The following CCR5AS variants were observed in gnomAD, a reference collection of about 807,000 sequenced individuals.
CCR5AS encodes CCR5 antisense RNA.
chr3:46,376,634 C>T lies in CCR5AS; in HGVS notation n.392-5217G>A, dbSNP rs41382446. On this transcript the variant is annotated intron_variant and non_coding_transcript_variant, in intron 2 of 3. Transcript: ENST00000451485. ...TACCCGCAGCCCTGAGTTGTAGGCA[C>T]ATCATATGTGAGAATGAGGATGCTT... Among the ~76,000 whole-genome samples the T allele has an allele frequency of 3.7e-3, 568 of 152,304 alleles. 4 individuals carry two copies. The highest frequency in any genetic ancestry group is 0.013 in the African/African-American group (537 of 41,576).
intron 1 of CCR5AS, among the ~76,000 whole-genome samples, chr3:46,406,025 G>A (rs558645702): frequency 9.2e-5 from 14 of 152,082 alleles, no homozygotes; most frequent in Non-Finnish European, 2.1e-4. Context: ...ACAGGCACTT[G>A]CCACTGCATC....
intron 1 of CCR5AS, among the ~76,000 whole-genome samples, chr3:46,402,017 T>C (rs1702009620): frequency 6.6e-6 from 1 of 152,182 alleles, no homozygotes; most frequent in African/African-American, 2.4e-5. Flanking sequence ...TGAGAAGTCC[T>C]GTAGTAAAGA....
intron 2 of CCR5AS, among the ~76,000 whole-genome samples, chr3:46,378,421 T>C (rs986149837): frequency 2.0e-5 from 3 of 152,224 alleles, no homozygotes; most frequent in Non-Finnish European, 2.9e-5. Context: ...GTCATTGTGA[T>C]TCTGTCATGT....
chr3:46,387,361 G>A (rs1474991048), intron 2 of CCR5AS, among the ~76,000 whole-genome samples: 2 of 152,176 alleles, frequency 1.3e-5, no homozygotes, highest in Middle Eastern at 3.2e-3. Flanking sequence ...TATGACCAAT[G>A]CCACCAGTCT....
At chr3:46,396,321 G>T (rs1701961539) in intron 1 of CCR5AS, among the ~76,000 whole-genome samples, 1 of 151,950 alleles carries the variant, frequency 6.6e-6, no homozygotes, top group Non-Finnish European at 1.5e-5. Flanking sequence ...TAGTTTAAGG[G>T]AGTGAGTGGG....
At chr3:46,386,110 C>T (rs1701859595) in intron 2 of CCR5AS, among the ~76,000 whole-genome samples, 1 of 151,936 alleles carries the variant, frequency 6.6e-6, no homozygotes. Flanking sequence ...GAGACAGGGT[C>T]TTGCCATGTT....
chr3:46,406,507 C>T (rs972836353), intron 1 of CCR5AS, among the ~76,000 whole-genome samples: 1 of 151,962 alleles, frequency 6.6e-6, no homozygotes. Flanking sequence ...ATTTCCTTCT[C>T]TCTGGACTCA....
chr3:46,397,114 C>A (rs1301538640), intron 1 of CCR5AS, among the ~76,000 whole-genome samples: 1 of 152,202 alleles, frequency 6.6e-6, no homozygotes, highest in Non-Finnish European at 1.5e-5. Context: ...CCCATCCATG[C>A]GCCCTTGACT....
intron 1 of CCR5AS, among the ~76,000 whole-genome samples, chr3:46,398,199 C>A (rs1192996879): frequency 2.6e-5 from 1 of 39,006 alleles, no homozygotes; most frequent in Non-Finnish European, 3.7e-5. Context: ...AATGGAAGAC[C>A]CCAAAACCCA....
At chr3:46,380,164 T>G (rs1322328624) in intron 2 of CCR5AS, among the ~76,000 whole-genome samples, 1 of 152,064 alleles carries the variant, frequency 6.6e-6, no homozygotes, top group Non-Finnish European at 1.5e-5. Flanking sequence ...GAGGGTGAGT[T>G]CCATGGCAAC....
intron 2 of CCR5AS, among the ~76,000 whole-genome samples, chr3:46,371,835 T>C (rs1040193310): frequency 6.6e-6 from 1 of 152,272 alleles, no homozygotes; most frequent in Non-Finnish European, 1.5e-5. Context: ...TTGTCATCTA[T>C]GACCTTCCCT....
At position 46,388,962 on chromosome 3, in the gene CCR5AS, A is replaced by C. The variant is rs535399479; in HGVS notation, n.391+3863T>G. 7.2e-4 allele frequency among the ~76,000 whole-genome samples: 110 copies of C among 152,244 alleles called. 1 individual carries two copies. The Middle Eastern group carries it at 0.01, about 14-fold the overall frequency. ...ATAGTACCAGGAGATATCCACTATG[A>C]TGGTTTGGAGGAAAAGTGTAAACTG... On this transcript the variant is annotated intron_variant and non_coding_transcript_variant, in intron 2 of 3. Coordinates refer to ENST00000451485, the Ensembl canonical transcript of CCR5AS.
At chr3:46,374,116 T>C (rs959996868) in intron 2 of CCR5AS, 8 of 484,372 alleles carry the variant, frequency 1.7e-5, no homozygotes, top group African/African-American at 1.5e-4. Flanking sequence ...TTGGCATCTG[T>C]TTAAAGTAGA....
chr3:46,401,508 G>GAAT (rs1702005795), intron 1 of CCR5AS, among the ~76,000 whole-genome samples: 2 of 152,218 alleles, frequency 1.3e-5, no homozygotes, highest in African/African-American at 4.8e-5. Flanking sequence ...AGGAGATGGG[G>GAAT]AATGACGCAA....
intron 3 of CCR5AS, among the ~76,000 whole-genome samples, chr3:46,369,626 A>G (rs1160819359): frequency 6.6e-6 from 1 of 152,194 alleles, no homozygotes. Flanking sequence ...TGATCAAATA[A>G]ACTCTCTCTG....
chr3:46,382,318 G>T (rs1701824257), intron 2 of CCR5AS, among the ~76,000 whole-genome samples: 1 of 152,218 alleles, frequency 6.6e-6, no homozygotes, highest in Admixed American at 6.5e-5. Flanking sequence ...GGTCCAACCA[G>T]TCTTTTGGGC....
At position 46,390,405 on chromosome 3, in the gene CCR5AS, G is replaced by A. The variant is rs191141903; in HGVS notation, n.391+2420C>T. 2.1e-3 allele frequency among the ~76,000 whole-genome samples: 316 copies of A among 152,304 alleles called. 2 individuals are homozygous for A. Among genetic ancestry groups the A allele is most frequent in the Admixed American group, 3.5e-3 (54 of 15,298 alleles). On this transcript the variant is annotated intron_variant and non_coding_transcript_variant, in intron 2 of 3. Transcript: ENST00000451485. ...TAAGACTTGTCCGGTTTCTGGACGG[G>A]TAGGATAGGGGAGTTGTAAGGAGAA...
chr3:46,375,345 T>G (rs781480048), intron 2 of CCR5AS: 2 of 166,948 alleles, frequency 1.2e-5, no homozygotes, highest in Non-Finnish European at 2.9e-5. Context: ...TTTCATGGGT[T>G]GTTGGGAGGA....
At chr3:46,393,628 C>T (rs993738207) in intron 1 of CCR5AS, among the ~76,000 whole-genome samples, 2 of 152,122 alleles carry the variant, frequency 1.3e-5, no homozygotes, top group Admixed American at 6.5e-5. Flanking sequence ...AGCAAGTATG[C>T]TGGTGCTAGG....
Sources: allele counts gnomAD v4.1 joint callset (sites outside exome capture counted in the v4.1 genomes callset), GRCh38; gene constraint gnomAD v4.1.1; transcripts MANE v1.5; gene names NCBI Gene and HGNC (gene_info 2026-07-23, HGNC 2026-07-21).